The following DNAH8 variants were observed in gnomAD, a reference collection of about 807,000 sequenced individuals.
DNAH8 encodes dynein axonemal heavy chain 8.
Under a neutral mutation model 562.1 loss-of-function variants are expected in DNAH8, and 382 were observed. The ratio of observed to expected loss-of-function variants is 0.68; its 90% CI spans 0.63 to 0.74. DNAH8 has a LOEUF of 0.74. Among genes scored for constraint, DNAH8 ranks in the 30% least tolerant of loss-of-function variants. The pLI, the probability that DNAH8 is intolerant of heterozygous loss-of-function variation, is 0.00. For missense variants in DNAH8, 5,203 were observed against 5,620.4 expected (o/e 0.93, Z 2.37); for synonymous variants, 1,881 against 1,919.4 (o/e 0.98, Z 0.52).
chr6:38,887,510 C>T (rs1021928346), intron 57 of DNAH8, among the ~76,000 whole-genome samples: 5 of 152,144 alleles, frequency 3.3e-5, no homozygotes, highest in Admixed American at 1.3e-4. Flanking sequence ...AGATCAAGAG[C>T]AGCCTGGGCT....
In DNAH8 at chr6:38,989,907, A is replaced by T; in HGVS notation, c.13054-105A>T. On this transcript the variant is annotated intron_variant, in intron 87 of 92. Coordinates refer to ENST00000327475, the MANE Select transcript of DNAH8 (RefSeq NM_001206927.2). ...TTAAAGCATTCTCAAAATCAATATT[A>T]AAAACTCTGTTAAAATGGAAATAAG... The T allele has an allele frequency of 6.2e-6, 4 of 644,194 alleles. No homozygotes were observed. In the South Asian group the frequency reaches 8.2e-5, roughly 13 times the overall value. 39.9% of individuals were successfully genotyped at this position (644,194 alleles called of 1,614,324 possible).
chr6:38,875,635 C>T lies in DNAH8; in HGVS notation c.7665C>T (p.Gly2555=), dbSNP rs983121544. The part of the protein sequence containing the change: ...LEGLIPSKEE[G]GVSCVEHLHK... ...GGTTAATTCCCTCCAAAGAAGAAGGCGGTGTTTCCTGTGTCGAACATCTTC... is the reference window on the plus strand; with the variant it reads ...GGTTAATTCCCTCCAAAGAAGAAGGTGGTGTTTCCTGTGTCGAACATCTTC... The change falls in exon 53 of 93, where the codon GGC becomes GGT. Residue 2555 remains glycine (G), a synonymous_variant. Coordinates refer to ENST00000327475, the MANE Select transcript of DNAH8 (RefSeq NM_001206927.2). 1.2e-5 allele frequency: 20 copies of T among 1,612,924 alleles called. No individual in the cohort carries two copies. The highest frequency in any genetic ancestry group is 7.7e-5 in the South Asian group (7 of 91,018).
intron 67 of DNAH8, among the ~76,000 whole-genome samples, chr6:38,914,579 T>C (rs1266817983): frequency 6.6e-6 from 1 of 151,960 alleles, no homozygotes; most frequent in Non-Finnish European, 1.5e-5. Context: ...CTCAATCTCT[T>C]GACTTTGTGA....
chr6:38,945,264 A>G (rs893947911), intron 79 of DNAH8, among the ~76,000 whole-genome samples: 7 of 152,220 alleles, frequency 4.6e-5, no homozygotes, highest in Admixed American at 4.6e-4. Context: ...TATACCTTAT[A>G]AGATGGTATA....
At chr6:38,781,957 G>T (rs1768657847) in intron 16 of DNAH8, among the ~76,000 whole-genome samples, 1 of 152,094 alleles carries the variant, frequency 6.6e-6, no homozygotes, top group Non-Finnish European at 1.5e-5. Context: ...AAGAGACAGA[G>T]TCACAAGGTG....
intron 43 of DNAH8, among the ~76,000 whole-genome samples, chr6:38,861,313 C>G (rs1239790369): frequency 6.6e-6 from 1 of 152,136 alleles, no homozygotes; most frequent in African/African-American, 2.4e-5. Flanking sequence ...ATAAATTTGT[C>G]AGTGTTTTCT....
chr6:38,909,660 C>G lies in DNAH8; in HGVS notation c.9656C>G (p.Ser3219Cys), dbSNP rs770273303. 1.9e-6 allele frequency: 3 copies of G among 1,613,988 alleles called. No homozygotes were observed. The highest frequency in any genetic ancestry group is 2.2e-5 in the South Asian group (2 of 91,076). ...YFLSDYNIVC[S>C]SEIKRQVVET... Reference sequence around the variant, plus strand: ...CTTTCAGACTATAATATTGTCTGCTCTAGTGAAATTAAAAGACAAGTTGTA... The same window carrying G: ...CTTTCAGACTATAATATTGTCTGCTGTAGTGAAATTAAAAGACAAGTTGTA... The change falls in exon 65 of 93, where the codon TCT (serine) becomes TGT (cysteine). Residue 3219 changes from serine (S) to cysteine (C), a missense_variant. Around this residue, in one of 6 missense-constraint regions of DNAH8, gnomAD observed 977 missense variants for 1,061.8 expected, o/e 0.92. Coordinates refer to ENST00000327475, the MANE Select transcript of DNAH8 (RefSeq NM_001206927.2).
intron 3 of DNAH8, among the ~76,000 whole-genome samples, chr6:38,728,277 T>A (rs763747598): frequency 4.9e-5 from 7 of 144,070 alleles, no homozygotes; most frequent in African/African-American, 1.7e-4. Context: ...CTACTTAAAG[T>A]CTTTTTACCT....
intron 11 of DNAH8, 56 bp from the exon 12 acceptor site, chr6:38,770,357 G>T: frequency 8.1e-7 from 1 of 1,233,174 alleles, no homozygotes; most frequent in South Asian, 1.5e-5. Flanking sequence ...TTGAATTTTC[G>T]ATTCCTGAAC....
intron 7 of DNAH8, among the ~76,000 whole-genome samples, chr6:38,739,549 G>A (rs1764363457): frequency 6.6e-6 from 1 of 152,164 alleles, no homozygotes; most frequent in African/African-American, 2.4e-5. Context: ...GCTCATGCTT[G>A]TAATCCCAGC....
Position 38,938,964 on chromosome 6 carries a change from A to C in DNAH8, c.11983A>C (p.Arg3995=). ...CCTTCAGAGAGGGACAGTTAAGCACAGAGAGTTTCAAGCTCTCATTAAAGG... is the reference window on the plus strand; with the variant it reads ...CCTTCAGAGAGGGACAGTTAAGCACCGAGAGTTTCAAGCTCTCATTAAAGG... ...IDLQRGTVKH[R]EFQALIKGGA... The change falls in exon 79 of 93, where the codon AGA becomes CGA. Residue 3995 remains arginine (R), a synonymous_variant. Transcript: ENST00000327475. The C allele has an allele frequency of 6.2e-7, 1 of 1,613,214 alleles. No individual in the cohort carries two copies. Among genetic ancestry groups the C allele is most frequent in the African/African-American group, 1.3e-5 (1 of 74,994 alleles).
At chr6:38,848,084 T>C (rs1051714963) in intron 36 of DNAH8, among the ~76,000 whole-genome samples, 1 of 152,212 alleles carries the variant, frequency 6.6e-6, no homozygotes, top group Non-Finnish European at 1.5e-5. Context: ...GGTCATCTTC[T>C]CCAGGTGAAC....
At chr6:39,003,378 TTG>T (rs1765606126) in intron 88 of DNAH8, among the ~76,000 whole-genome samples, 1 of 152,222 alleles carries the variant, frequency 6.6e-6, no homozygotes, top group African/African-American at 2.4e-5. Context: ...GTGATGGGCT[TTG>T]CCTTATGGGG....
intron 8 of DNAH8, among the ~76,000 whole-genome samples, chr6:38,749,702 G>A (rs1455536720): frequency 2.0e-5 from 3 of 152,310 alleles, no homozygotes; most frequent in Non-Finnish European, 4.4e-5. Flanking sequence ...GATGAGCAGA[G>A]ATTACAGGAA....
At chr6:38,959,601 A>G (rs1156684293) in intron 82 of DNAH8, among the ~76,000 whole-genome samples, 1 of 152,124 alleles carries the variant, frequency 6.6e-6, no homozygotes, top group Non-Finnish European at 1.5e-5. Flanking sequence ...TTAAACATTG[A>G]TGGAAGAAGT....
At position 38,945,448 on chromosome 6, in the gene DNAH8, G is replaced by T; in HGVS notation, c.12008-19G>T. ...AGTACAGGCTTACCCAATTCACCCT[G>T]TCTGACGCTCTTCCCCAGGGGGAGC... On this transcript the variant is annotated intron_variant, in intron 79 of 92. Transcript: ENST00000327475. 1 of 1,613,682 alleles carries T rather than the reference G, an allele frequency of 6.2e-7. No individual in the cohort carries two copies.
intron 92 of DNAH8, among the ~76,000 whole-genome samples, chr6:39,029,618 G>A (rs1291728237): frequency 6.6e-6 from 1 of 152,166 alleles, no homozygotes; most frequent in Non-Finnish European, 1.5e-5. Flanking sequence ...GCCTCTGGGG[G>A]CGCTCTGACT....
intron 11 of DNAH8, among the ~76,000 whole-genome samples, chr6:38,766,221 AT>A (rs1211881469): frequency 6.6e-6 from 1 of 152,056 alleles, no homozygotes; most frequent in Non-Finnish European, 1.5e-5. Flanking sequence ...AAATATTGTC[AT>A]TTTTGACAAC....
In DNAH8 at chr6:38,786,826, T is replaced by C. The variant is rs1347497930; in HGVS notation, c.2457T>C (p.Asp819=). The C allele has an allele frequency of 1.9e-6, 3 of 1,613,414 alleles. No homozygotes were observed. Among genetic ancestry groups the C allele is most frequent in the African/African-American group, 1.3e-5 (1 of 74,874 alleles). The part of the protein sequence containing the change: ...PETGKLLVNF[D]PKILEVVRET... ...CAGGGAAGTTGCTGGTTAATTTCGA[T>C]CCCAAAATTTTGGAAGTTGTTCGGG... Residue 819 remains aspartate (D), a synonymous_variant, in exon 18 of 93, where the codon GAT becomes GAC. Coordinates refer to ENST00000327475, the MANE Select transcript of DNAH8 (RefSeq NM_001206927.2).
Sources: gnomAD v4.1 joint callset for allele counts (sites outside exome capture counted in the v4.1 genomes callset) on GRCh38, gnomAD v4.1.1 for gene constraint, gnomAD v4.1.1 regional missense constraint, MANE v1.5 for transcripts, NCBI Gene and HGNC (gene_info 2026-07-23, HGNC 2026-07-21) for gene names.